Variants in UBE3C observed in about 807,000 individuals in gnomAD.
UBE3C encodes ubiquitin-protein ligase E3C.
UBE3C carries 42 observed loss-of-function variants against 129.4 expected under a neutral mutation model. The observed-to-expected ratio is 0.32, with a 90% confidence interval of 0.25 to 0.42. The LOEUF is 0.42. Among genes scored for constraint, UBE3C ranks in the 10% least tolerant of loss-of-function variants. The pLI, the probability that UBE3C is intolerant of heterozygous loss-of-function variation, is 1.00. For missense variants in UBE3C, 1,049 were observed against 1,319.1 expected (o/e 0.80, Z 3.17); for synonymous variants, 510 against 492.4 (o/e 1.04, Z -0.47).
At chr7:157,212,261 A>G (rs1809616687) in intron 13 of UBE3C, among the ~76,000 whole-genome samples, 1 of 152,138 alleles carries the variant, frequency 6.6e-6, no homozygotes, top group African/African-American at 2.4e-5. Context: ...TACATATCAC[A>G]TTTAAGATAA....
intron 10 of UBE3C, among the ~76,000 whole-genome samples, chr7:157,199,821 A>C (rs1586682980): frequency 6.6e-6 from 1 of 152,196 alleles, no homozygotes; most frequent in Non-Finnish European, 1.5e-5. Flanking sequence ...TTAATGACAG[A>C]CAGCATACTT....
intron 22 of UBE3C, among the ~76,000 whole-genome samples, chr7:157,259,352 G>A (rs1009581693): frequency 2.0e-5 from 3 of 152,228 alleles, no homozygotes; most frequent in African/African-American, 4.8e-5. Flanking sequence ...TTTTCAAGGG[G>A]TGCAGGCAAG....
rs1377350129 is a variant in UBE3C at position 157,188,976 on chromosome 7, GTACCC to G, written c.1331+1957_1331+1961del. 3 of 651,954 alleles carry G rather than the reference GTACCC, an allele frequency of 4.6e-6. No homozygotes were observed. The South Asian group carries it at 5.3e-5, about 12-fold the overall frequency. 40.4% of individuals were successfully genotyped at this position (651,954 alleles called of 1,614,324 possible). A position where few individuals can be genotyped will look rare whatever the true frequency, so the allele number is the denominator to read the frequency against. ...TGTACAAATGAATGTGGAGACCTTT[GTACCC>G]TGACATGGAAAGATTTCCGAGACAG... On this transcript the variant is annotated intron_variant, in intron 10 of 22. Transcript: ENST00000348165.
chr7:157,164,970 G>A (rs1296046801), intron 2 of UBE3C, among the ~76,000 whole-genome samples: 1 of 152,156 alleles, frequency 6.6e-6, no homozygotes, highest in Non-Finnish European at 1.5e-5. Context: ...TTTTTGAACA[G>A]ATAATTCTTT....
At chr7:157,210,774 C>G (rs1809568546) in intron 13 of UBE3C, among the ~76,000 whole-genome samples, 1 of 152,156 alleles carries the variant, frequency 6.6e-6, no homozygotes, top group Admixed American at 6.5e-5. Flanking sequence ...ACGATGAGAC[C>G]TGACTCCTTC....
At chr7:157,221,010 G>A (rs1273840354) in intron 15 of UBE3C, 3 of 446,628 alleles carry the variant, frequency 6.7e-6, no homozygotes, top group South Asian at 4.9e-5. Flanking sequence ...TTTTGCAAAA[G>A]GCCTCCAAAG....
chr7:157,201,911 CT>C, intron 11 of UBE3C, 104 bp downstream of exon 11: 1 of 890,002 alleles, frequency 1.1e-6, no homozygotes, highest in Non-Finnish European at 1.7e-6. Context: ...TTATACTGGG[CT>C]TATTTCATAT....
chr7:157,231,119 A>G lies in UBE3C; in HGVS notation c.2273A>G (p.Asn758Ser). ...AAGCGGATCCGTGTGCACTTGCTCA[A>G]TGCCCATGGCCTGGATGAAGCTGGC... ...LKKRIRVHLL[N>S]AHGLDEAGID... Residue 758 changes from asparagine (N) to serine (S), a missense_variant, in exon 18 of 23, where the codon AAT becomes AGT. Physicochemically the swap from Asn to Ser is conservative, Grantham distance 46. Coordinates refer to ENST00000348165, the MANE Select transcript of UBE3C (RefSeq NM_014671.3). The G allele has an allele frequency of 1.9e-6, 3 of 1,614,086 alleles. No homozygotes were observed. The highest frequency in any genetic ancestry group is 1.1e-5 in the South Asian group (1 of 91,074).
intron 11 of UBE3C, among the ~76,000 whole-genome samples, chr7:157,205,463 A>T (rs899025113): frequency 2.6e-5 from 4 of 152,030 alleles, no homozygotes; most frequent in African/African-American, 9.7e-5. Flanking sequence ...CTTGTCGGGG[A>T]TAACAGTGGA....
intron 10 of UBE3C, chr7:157,198,081 A>G: frequency 2.5e-6 from 4 of 1,611,944 alleles, no homozygotes; most frequent in Non-Finnish European, 3.4e-6. Context: ...AACAAACTCC[A>G]GAAATTGAGC....
At chr7:157,171,800 G>A (rs10268650) in intron 4 of UBE3C, among the ~76,000 whole-genome samples, 16,359 of 141,942 alleles carry the variant, frequency 0.12, 1,152 homozygotes, top group African/African-American at 0.19. Context: ...TCCGCCTCAC[G>A]GGTTCAAGCG....
At position 157,139,126 on chromosome 7, in the gene UBE3C, G is replaced by A. The variant is rs1162457774; in HGVS notation, c.-147G>A. 1.5e-5 allele frequency: 4 copies of A among 272,616 alleles called. No individual in the cohort carries two copies. The highest frequency in any genetic ancestry group is 4.6e-5 in the African/African-American group (2 of 43,650). The allele number at this position is 272,616 out of a possible 1,614,324, so 16.9% of individuals were successfully genotyped here. A position where few individuals can be genotyped will look rare whatever the true frequency, so the allele number is the denominator to read the frequency against. On this transcript the variant is annotated 5_prime_UTR_variant, in exon 1 of 23. Coordinates refer to ENST00000348165, the MANE Select transcript of UBE3C (RefSeq NM_014671.3). Reference sequence around the variant, plus strand: ...CAGGGCTGGGAGGGTACAGCCCGGGGGCGGGCTCGGGTCGCCTCCCGGCCG... The same window carrying A: ...CAGGGCTGGGAGGGTACAGCCCGGGAGCGGGCTCGGGTCGCCTCCCGGCCG...
At chr7:157,184,363 C>T (rs187556834) in intron 9 of UBE3C, among the ~76,000 whole-genome samples, 29 of 152,298 alleles carry the variant, frequency 1.9e-4, no homozygotes, top group Middle Eastern at 6.8e-3. Flanking sequence ...TTACCCTATC[C>T]TGTGAACACC....
At chr7:157,170,757 GC>G (rs1808346219) in intron 4 of UBE3C, among the ~76,000 whole-genome samples, 1 of 152,142 alleles carries the variant, frequency 6.6e-6, no homozygotes, top group Non-Finnish European at 1.5e-5. Flanking sequence ...CTTAGCAGTT[GC>G]CAGCACGCCT....
In UBE3C at chr7:157,170,407, A is replaced by T. The variant is rs762173797; in HGVS notation, c.299A>T (p.Gln100Leu). Residue 100 changes from glutamine (Q) to leucine (L), a missense_variant, in exon 4 of 23, where the codon CAG becomes CTG. Coordinates refer to ENST00000348165, the MANE Select transcript of UBE3C (RefSeq NM_014671.3). ...NGPNLTLLVR[Q>L]LLFFYKQNED... ...CCCAACCTTACCCTTTTGGTAAGGCAGCTTCTGTTTTTTTACAAACAAAAT... is the reference window on the plus strand; with the variant it reads ...CCCAACCTTACCCTTTTGGTAAGGCTGCTTCTGTTTTTTTACAAACAAAAT... 3.3e-5 allele frequency: 52 copies of T among 1,568,656 alleles called. No homozygotes were observed. The highest frequency in any genetic ancestry group is 3.9e-5 in the Non-Finnish European group (45 of 1,160,524).
intron 15 of UBE3C, chr7:157,221,129 G>A (rs1286475876): frequency 5.1e-6 from 1 of 196,216 alleles, no homozygotes; most frequent in Admixed American, 5.3e-5. Context: ...ATTCCAGTGT[G>A]GGGATGCACC....
chr7:157,256,592 C>A, intron 21 of UBE3C: 1 of 192,422 alleles, frequency 5.2e-6, no homozygotes, highest in Non-Finnish European at 1.1e-5. Flanking sequence ...GGGTTCTGTC[C>A]ACATCCATGG....
chr7:157,255,590 T>G (rs986206612), intron 21 of UBE3C, among the ~76,000 whole-genome samples: 1 of 152,222 alleles, frequency 6.6e-6, no homozygotes, highest in Admixed American at 6.5e-5. Context: ...TGTCTTCGGT[T>G]GTTTTCATTA....
chr7:157,176,766 T>C (rs1808529779), intron 5 of UBE3C, among the ~76,000 whole-genome samples: 1 of 152,198 alleles, frequency 6.6e-6, no homozygotes, highest in South Asian at 2.1e-4. Flanking sequence ...GAGAGATCTT[T>C]GTTTTCTGTG....
Sources: allele counts gnomAD v4.1 joint callset (sites outside exome capture counted in the v4.1 genomes callset), GRCh38; gene constraint gnomAD v4.1.1; transcripts MANE v1.5; gene names NCBI Gene and HGNC (gene_info 2026-07-23, HGNC 2026-07-21).